Variants in TRIM23 observed in about 807,000 individuals in gnomAD.
The protein encoded by TRIM23 is tripartite motif containing 23.
In TRIM23, 27 loss-of-function variants were observed where a neutral mutation model predicts 71.0. The observed-to-expected ratio is 0.38, with a 90% CI of 0.28 to 0.52. The LOEUF (loss-of-function observed/expected upper bound fraction) is 0.52. TRIM23 is among the 20% of genes least tolerant of loss of function. The pLI, the probability that TRIM23 is intolerant of heterozygous loss-of-function variation, is 0.84. For synonymous variants in TRIM23, 234 were observed against 238.0 expected (o/e 0.98, Z 0.16); for missense variants, 482 against 692.3 (o/e 0.70, Z 3.41).
chr5:65,620,451 T>C lies in TRIM23; in HGVS notation c.82-2196A>G, dbSNP rs149832903. ...AAAATAAATTGTGGCACATTCATAATACTATAAAACTATATAGGATAGTGA... is the reference window on the plus strand; with the variant it reads ...AAAATAAATTGTGGCACATTCATAACACTATAAAACTATATAGGATAGTGA... On this transcript the variant is annotated intron_variant, in intron 1 of 10. Coordinates refer to ENST00000231524, the MANE Select transcript of TRIM23 (RefSeq NM_001656.4). 1.8e-3 allele frequency among the ~76,000 whole-genome samples: 277 copies of C among 152,328 alleles called. 2 individuals carry two copies. The highest frequency in any genetic ancestry group is 6.3e-3 in the African/African-American group (260 of 41,578).
chr5:65,599,296 A>T (rs1754298692), intron 7 of TRIM23, among the ~76,000 whole-genome samples: 1 of 152,230 alleles, frequency 6.6e-6, no homozygotes, highest in African/African-American at 2.4e-5. Flanking sequence ...TTAAGGAAAC[A>T]ATTCTACTTA....
intron 1 of TRIM23, among the ~76,000 whole-genome samples, chr5:65,622,613 C>T (rs1185468924): frequency 6.6e-6 from 1 of 152,204 alleles, no homozygotes; most frequent in Non-Finnish European, 1.5e-5. Flanking sequence ...CCAATAAATA[C>T]TTCTTGCTTT....
At position 65,613,871 on chromosome 5, in the gene TRIM23, G is replaced by GA. The variant is rs571911259; in HGVS notation, c.366+226dup. The GA allele has an allele frequency of 3.2e-5, 46 of 1,433,702 alleles. No homozygotes were observed. The Admixed American group carries it at 6.4e-4, about 20-fold the overall frequency. The allele number at this position is 1,433,702 out of a possible 1,614,324, so 88.8% of individuals were successfully genotyped here. On this transcript the variant is annotated intron_variant, in intron 3 of 10. Coordinates refer to ENST00000231524, the MANE Select transcript of TRIM23 (RefSeq NM_001656.4). ...CTTGGTAGAACTGAATTATGATAAGGAAAAAAAAGTTCACACATAAAGCAT... is the reference window on the plus strand; with the variant it reads ...CTTGGTAGAACTGAATTATGATAAGGAAAAAAAAAGTTCACACATAAAGCAT...
chr5:65,619,212 A>C (rs781079610), intron 1 of TRIM23, among the ~76,000 whole-genome samples: 4 of 152,188 alleles, frequency 2.6e-5, no homozygotes, highest in Non-Finnish European at 4.4e-5. Context: ...AACAGCTTAT[A>C]GTTCTCAGAA....
chr5:65,599,565 A>T (rs180688382), intron 7 of TRIM23, among the ~76,000 whole-genome samples: 271 of 152,338 alleles, frequency 1.8e-3, no homozygotes, highest in Admixed American at 3.9e-3. Flanking sequence ...AGACTTGTAC[A>T]CTAAAAACTA....
rs1415396947 is a variant in TRIM23 at position 65,609,462 on chromosome 5, A to C, written c.829-4T>G. On this transcript the variant is annotated splice_polypyrimidine_tract_variant and splice_region_variant and intron_variant, in intron 5 of 10. Transcript: ENST00000231524. ...CATTCTCTGCAGTCCCTGGTACCTA[A>C]GAAAATGAAAATAAATTTTAAGCAA... 1.1e-5 allele frequency: 17 copies of C among 1,608,544 alleles called. No individual in the cohort carries two copies. The highest frequency in any genetic ancestry group is 1.4e-5 in the Non-Finnish European group (16 of 1,178,088).
At position 65,590,525 on chromosome 5, in the gene TRIM23, T is replaced by G. The variant is rs1753989999; in HGVS notation, c.*1244A>C. 2 of 1,160,198 alleles carry G rather than the reference T, an allele frequency of 1.7e-6. No individual in the cohort carries two copies. The highest frequency in any genetic ancestry group is 2.1e-6 in the Non-Finnish European group (2 of 934,432). 71.9% of individuals were successfully genotyped at this position (1,160,198 alleles called of 1,614,324 possible). On this transcript the variant is annotated 3_prime_UTR_variant, in exon 11 of 11. Transcript: ENST00000231524. ...AACTAATAAGATTTAAGATTTAACTTCATCCTAATGTATCAGAACATTAAA... is the reference window on the plus strand; with the variant it reads ...AACTAATAAGATTTAAGATTTAACTGCATCCTAATGTATCAGAACATTAAA...
intron 2 of TRIM23, 25 bp from the exon 3 acceptor site, chr5:65,614,244 C>A (rs1464539420): frequency 5.6e-6 from 9 of 1,596,424 alleles, no homozygotes; most frequent in South Asian, 1.1e-5. Context: ...AAAACAAAAA[C>A]TAAATCTAAC....
intron 3 of TRIM23, among the ~76,000 whole-genome samples, chr5:65,613,192 A>G (rs1016324697): frequency 1.3e-5 from 2 of 151,988 alleles, no homozygotes; most frequent in East Asian, 3.8e-4. Context: ...CTGACAAATA[A>G]ATAAATTATA....
intron 1 of TRIM23, among the ~76,000 whole-genome samples, chr5:65,621,858 C>G (rs150358491): frequency 0.015 from 2,221 of 151,570 alleles, 47 homozygotes; most frequent in African/African-American, 0.052. Flanking sequence ...GAAAGGGTCT[C>G]ACTCTGTCAG....
rs1221168064 is a variant in TRIM23 at position 65,590,865 on chromosome 5, G to A, written c.*904C>T. On this transcript the variant is annotated 3_prime_UTR_variant, in exon 11 of 11. Coordinates refer to ENST00000231524, the MANE Select transcript of TRIM23 (RefSeq NM_001656.4). Reference sequence around the variant, plus strand: ...AGTTCGCTTTCTATTTAGGTCACTAGCTTTTAAATAAAGCCAACCCTGGTT... The same window carrying A: ...AGTTCGCTTTCTATTTAGGTCACTAACTTTTAAATAAAGCCAACCCTGGTT... 1.0e-6 allele frequency: 1 copy of A among 985,278 alleles called. No individual in the cohort carries two copies. Among genetic ancestry groups the A allele is most frequent in the Non-Finnish European group, 1.2e-6 (1 of 829,990 alleles). 61.0% of individuals were successfully genotyped at this position (985,278 alleles called of 1,614,324 possible). A position where few individuals can be genotyped will look rare whatever the true frequency, so the allele number is the denominator to read the frequency against.
At position 65,616,860 on chromosome 5, in the gene TRIM23, T is replaced by C. The variant is rs1418647133; in HGVS notation, c.244+1233A>G. ...CCTCAGCCTCCCAAGTAGCTGGGAT[T>C]ACAGGCATCCACCACCATGCCTAGC... On this transcript the variant is annotated intron_variant, in intron 2 of 10. Transcript: ENST00000231524. Among the ~76,000 whole-genome samples the C allele has an allele frequency of 3.9e-5, 6 of 151,916 alleles. No individual in the cohort carries two copies. The South Asian group carries it at 1.2e-3, about 32-fold the overall frequency.
rs1412674410 is a variant in TRIM23, at chr5:65,597,134, G to A, written c.1226C>T (p.Thr409Met). ...TTTTCCAGCACCATCCAATCCTAAC[G>A]TAACGACCCGAATTTCCATTTTTGG... The part of the protein sequence containing the change: ...IGPKMEIRVV[T>M]LGLDGAGKTT... Residue 409 changes from threonine (T) to methionine (M), a missense_variant, in exon 8 of 11, where the codon ACG becomes ATG. Around this residue, in one of 2 missense-constraint regions of TRIM23, gnomAD observed 307 missense variants for 495.8 expected, o/e 0.62. Coordinates refer to ENST00000231524, the MANE Select transcript of TRIM23 (RefSeq NM_001656.4). The A allele has an allele frequency of 1.9e-6, 3 of 1,613,934 alleles. No homozygotes were observed. Among genetic ancestry groups the A allele is most frequent in the Admixed American group, 1.7e-5 (1 of 60,010 alleles).
chr5:65,620,207 T>C (rs1754892888), intron 1 of TRIM23, among the ~76,000 whole-genome samples: 1 of 152,192 alleles, frequency 6.6e-6, no homozygotes, highest in Non-Finnish European at 1.5e-5. Context: ...TCTCATACAT[T>C]ACTAATTGCT....
At chr5:65,618,505 A>G (rs1754833381) in intron 1 of TRIM23, among the ~76,000 whole-genome samples, 2 of 152,200 alleles carry the variant, frequency 1.3e-5, no homozygotes, top group Admixed American at 1.3e-4. Flanking sequence ...GCTGTAAATT[A>G]ACATCTTTGT....
intron 2 of TRIM23, among the ~76,000 whole-genome samples, chr5:65,614,704 C>T (rs1327870973): frequency 2.1e-5 from 3 of 140,234 alleles, no homozygotes; most frequent in Non-Finnish European, 3.0e-5. Flanking sequence ...CACTGCACTC[C>T]AATCTGGATG....
At position 65,597,233 on chromosome 5, in the gene TRIM23, C is replaced by T. The variant is rs1053397068; in HGVS notation, c.1180-53G>A. The T allele has an allele frequency of 2.6e-6, 4 of 1,554,314 alleles. No homozygotes were observed. In the African/African-American group the frequency reaches 4.1e-5, roughly 16 times the overall value. ...TTGACATGCAGTTAGAAAGTAATAGCATTTAGCACCTTTATTATTTCTACA... is the reference window on the plus strand; with the variant it reads ...TTGACATGCAGTTAGAAAGTAATAGTATTTAGCACCTTTATTATTTCTACA... On this transcript the variant is annotated intron_variant, in intron 7 of 10. Transcript: ENST00000231524.
At chr5:65,619,176 T>G (rs1173539340) in intron 1 of TRIM23, among the ~76,000 whole-genome samples, 1 of 152,194 alleles carries the variant, frequency 6.6e-6, no homozygotes, top group African/African-American at 2.4e-5. Flanking sequence ...GCCATACTCT[T>G]CTGACCCTAT....
intron 1 of TRIM23, among the ~76,000 whole-genome samples, chr5:65,623,491 C>A (rs1466495579): frequency 6.6e-6 from 1 of 152,164 alleles, no homozygotes; most frequent in African/African-American, 2.4e-5. Context: ...CCACATATTT[C>A]AAATGATTTT....
Sources: allele counts gnomAD v4.1 joint callset (sites outside exome capture counted in the v4.1 genomes callset), GRCh38; gene constraint gnomAD v4.1.1; regional missense constraint gnomAD v4.1.1; transcripts MANE v1.5; gene names NCBI Gene and HGNC (gene_info 2026-07-23, HGNC 2026-07-21).